PELI2: variants seen among roughly 807,000 people sequenced by gnomAD.
The protein encoded by PELI2 is E3 ubiquitin-protein ligase pellino homolog 2.
A neutral mutation model predicts 42.3 loss-of-function variants in PELI2; 23 were observed. The observed-to-expected ratio is 0.54, with a 90% CI of 0.39 to 0.77. PELI2 has a LOEUF of 0.77. Ranked by LOEUF, PELI2 falls within the 30% of genes least tolerant of loss-of-function variation. The pLI, the probability that PELI2 is intolerant of heterozygous loss-of-function variation, is 0.00. For synonymous variants in PELI2, 245 were observed against 212.2 expected (o/e 1.15, Z -1.34); for missense variants, 463 against 553.2 (o/e 0.84, Z 1.64).
At chr14:56,127,621 G>A (rs1388739888) in intron 1 of PELI2, among the ~76,000 whole-genome samples, 2 of 152,324 alleles carry the variant, frequency 1.3e-5, no homozygotes, top group South Asian at 2.1e-4. Flanking sequence ...AGCCACTGCT[G>A]CCAGCCACCT....
intron 2 of PELI2, among the ~76,000 whole-genome samples, chr14:56,198,004 A>ACC (rs1254545853): frequency 6.6e-4 from 88 of 132,402 alleles, no homozygotes; most frequent in African/African-American, 2.2e-3. Flanking sequence ...ACACACACAC[A>ACC]CACACACACC....
Position 56,178,416 on chromosome 14 carries a change from T to C in PELI2, c.159T>C (p.Gly53=). The change falls in exon 2 of 6, where the codon GGT becomes GGC. Residue 53 remains glycine, a synonymous_variant. Transcript: ENST00000267460. ...TCTACAAGCGGCCCAAGGCAAATGG[T>C]GTCAAACCCAGCACCGTCCATGTGA... ...FALYKRPKAN[G]VKPSTVHVIS... The C allele has an allele frequency of 1.2e-6, 2 of 1,614,084 alleles. No homozygotes were observed. The highest frequency in any genetic ancestry group is 1.7e-6 in the Non-Finnish European group (2 of 1,179,990).
At chr14:56,239,456 G>A (rs1004903773) in intron 2 of PELI2, among the ~76,000 whole-genome samples, 2 of 152,212 alleles carry the variant, frequency 1.3e-5, no homozygotes, top group Non-Finnish European at 2.9e-5. Context: ...TTTAGAGTAA[G>A]TAGGTATGTT....
chr14:56,277,196 C>T (rs61987418), intron 2 of PELI2, among the ~76,000 whole-genome samples: 8 of 152,154 alleles, frequency 5.3e-5, no homozygotes, highest in Non-Finnish European at 8.8e-5. Flanking sequence ...CTGGGCCGCA[C>T]AGCAGGAGGT....
intron 4 of PELI2, 98 bp from the exon 5 acceptor site, chr14:56,290,170 C>T (rs1031123534): frequency 2.4e-6 from 2 of 845,928 alleles, no homozygotes; most frequent in East Asian, 2.6e-5. Flanking sequence ...CACCTTCCTC[C>T]CCTCTGCCTC....
chr14:56,287,560 T>C (rs570126801), intron 3 of PELI2, among the ~76,000 whole-genome samples: 31 of 152,366 alleles, frequency 2.0e-4, no homozygotes, highest in African/African-American at 6.5e-4. Context: ...TGCATATATC[T>C]AGGCAATATG....
intron 1 of PELI2, among the ~76,000 whole-genome samples, chr14:56,162,978 T>C (rs141775282): frequency 8.5e-4 from 130 of 152,294 alleles, no homozygotes; most frequent in African/African-American, 3.0e-3. Context: ...GCTCCTTATA[T>C]ATTCTGGTTA....
At chr14:56,222,763 G>T (rs772228279) in intron 2 of PELI2, among the ~76,000 whole-genome samples, 1 of 152,170 alleles carries the variant, frequency 6.6e-6, no homozygotes, top group Non-Finnish European at 1.5e-5. Context: ...ATTCTCTGAC[G>T]CTAGGCTGTG....
Position 56,118,733 on chromosome 14 carries a change from C to T in PELI2, c.73C>T (p.Leu25Phe). ...AGTGAAATACGGGGAGCTGGTGGTG[C>T]TCGGGTGAGTCCTGGGGTCCCTGGT... The part of the protein sequence containing the change: ...EPVKYGELVV[L>F]GYNGALPNGD... The change falls in exon 1 of 6, where the codon CTC (leucine) becomes TTC (phenylalanine). Residue 25 changes from leucine to phenylalanine, a missense_variant. Physicochemically the swap from Leu to Phe is conservative, Grantham distance 22. Coordinates refer to ENST00000267460, the MANE Select transcript of PELI2 (RefSeq NM_021255.3). 2.0e-6 allele frequency: 3 copies of T among 1,524,168 alleles called. No homozygotes were observed. The highest frequency in any genetic ancestry group is 2.0e-5 in the Admixed American group (1 of 50,092). 94.4% of individuals were successfully genotyped at this position (1,524,168 alleles called of 1,614,324 possible).
At chr14:56,217,721 T>C (rs1041260223) in intron 2 of PELI2, among the ~76,000 whole-genome samples, 7 of 152,266 alleles carry the variant, frequency 4.6e-5, no homozygotes, top group African/African-American at 1.7e-4. Context: ...TCTTATTTTC[T>C]AACCTTTGGG....
At chr14:56,283,365 C>A (rs963990796) in intron 3 of PELI2, among the ~76,000 whole-genome samples, 1 of 152,172 alleles carries the variant, frequency 6.6e-6, no homozygotes. Flanking sequence ...ATGAAAAATA[C>A]AATGACTGCT....
intron 3 of PELI2, among the ~76,000 whole-genome samples, chr14:56,284,790 A>G (rs944894068): frequency 3.9e-5 from 6 of 152,022 alleles, no homozygotes; most frequent in Non-Finnish European, 7.4e-5. Flanking sequence ...TGTGTCAGAA[A>G]CTCCTTTGAT....
intron 1 of PELI2, among the ~76,000 whole-genome samples, chr14:56,173,573 T>G (rs1885259353): frequency 6.6e-6 from 1 of 152,164 alleles, no homozygotes; most frequent in Admixed American, 6.5e-5. Flanking sequence ...GTTCATTCTC[T>G]TACAGTTCTA....
At chr14:56,161,601 TCTTGCCTACCTGGCTGAGTCTGTCA>T (rs1412995595) in intron 1 of PELI2, among the ~76,000 whole-genome samples, 2 of 152,222 alleles carry the variant, frequency 1.3e-5, no homozygotes, top group African/African-American at 4.8e-5. Context: ...ACCTTGACTA[TCTTGCCTACCTGGCTGAGTCTGTCA>T]AAAGACAGGG....
chr14:56,209,710 A>G (rs899808858), intron 2 of PELI2, among the ~76,000 whole-genome samples: 7 of 152,222 alleles, frequency 4.6e-5, no homozygotes, highest in Non-Finnish European at 1.0e-4. Context: ...AAGTCTTGAG[A>G]CTAACGCATT....
chr14:56,241,652 A>G (rs1251626964), intron 2 of PELI2, among the ~76,000 whole-genome samples: 1 of 152,142 alleles, frequency 6.6e-6, no homozygotes, highest in African/African-American at 2.4e-5. Flanking sequence ...AGGGCACTTT[A>G]TTGTGAAATT....
intron 2 of PELI2, among the ~76,000 whole-genome samples, chr14:56,274,722 G>A (rs1889228881): frequency 6.6e-6 from 1 of 152,192 alleles, no homozygotes. Context: ...GGCTGGCAGA[G>A]CTGAGCCTGT....
At chr14:56,275,331 G>A (rs145149415) in intron 2 of PELI2, among the ~76,000 whole-genome samples, 2 of 152,248 alleles carry the variant, frequency 1.3e-5, no homozygotes, top group African/African-American at 2.4e-5. Context: ...TCCACGGACC[G>A]GGGAGGCACA....
At chr14:56,233,900 A>C (rs952152644) in intron 2 of PELI2, among the ~76,000 whole-genome samples, 1 of 152,206 alleles carries the variant, frequency 6.6e-6, no homozygotes, top group African/African-American at 2.4e-5. Flanking sequence ...AACTTAAACA[A>C]ATTTATAAGG....
Sources: allele counts gnomAD v4.1 joint callset (sites outside exome capture counted in the v4.1 genomes callset), GRCh38; gene constraint gnomAD v4.1.1; transcripts MANE v1.5; gene names NCBI Gene and HGNC (gene_info 2026-07-23, HGNC 2026-07-21).